STXBP6: variants seen among roughly 807,000 people sequenced by gnomAD.
STXBP6 encodes syntaxin binding protein 6, also known as syntaxin-binding protein 6.
Under a neutral mutation model 26.9 loss-of-function variants are expected in STXBP6, and 21 were observed. That is an observed-to-expected ratio of 0.78 (90% CI 0.55 to 1.12). STXBP6 has a LOEUF of 1.12. STXBP6 is among the 50% of genes most tolerant of loss of function. The probability of loss-of-function intolerance (pLI) is 0.00; values close to 1 mark genes in which losing one functional copy is unlikely to be tolerated. For synonymous variants in STXBP6, 97 were observed against 92.6 expected (o/e 1.05, Z -0.27); for missense variants, 232 against 257.9 (o/e 0.90, Z 0.69).
At chr14:24,845,262 T>G (rs1040990429) in intron 4 of STXBP6, among the ~76,000 whole-genome samples, 1 of 152,172 alleles carries the variant, frequency 6.6e-6, no homozygotes, top group African/African-American at 2.4e-5. Context: ...TCTGCCCACC[T>G]TGGCCTCCCA....
intron 2 of STXBP6, among the ~76,000 whole-genome samples, chr14:24,964,667 G>A (rs2140142211): frequency 6.6e-6 from 1 of 151,776 alleles, no homozygotes; most frequent in African/African-American, 2.4e-5. Flanking sequence ...GTGTGTGTGT[G>A]TGTGTGTGTG....
chr14:24,966,851 T>G (rs1461547901), intron 2 of STXBP6, among the ~76,000 whole-genome samples: 2 of 152,200 alleles, frequency 1.3e-5, no homozygotes, highest in African/African-American at 4.8e-5. Context: ...CTGTAATATG[T>G]GAATTTCTTA....
At chr14:24,903,874 G>A (rs966497710) in intron 2 of STXBP6, among the ~76,000 whole-genome samples, 6 of 152,150 alleles carry the variant, frequency 3.9e-5, no homozygotes, top group Non-Finnish European at 7.3e-5. Flanking sequence ...GGGATTAAGT[G>A]AGCGTTCTTG....
chr14:24,922,649 G>A (rs1162213122), intron 2 of STXBP6, among the ~76,000 whole-genome samples: 1 of 151,996 alleles, frequency 6.6e-6, no homozygotes, highest in Non-Finnish European at 1.5e-5. Context: ...CTTGACACCA[G>A]GTAAATGCAT....
intron 1 of STXBP6, among the ~76,000 whole-genome samples, chr14:25,031,717 ATTT>A (rs58317547): frequency 2.8e-5 from 4 of 141,048 alleles, no homozygotes; most frequent in African/African-American, 2.6e-5. Context: ...CTCCCAAGCA[ATTT>A]TTTTTTTTTT....
At chr14:24,818,632 G>A (rs1036006690) in intron 5 of STXBP6, among the ~76,000 whole-genome samples, 1 of 152,184 alleles carries the variant, frequency 6.6e-6, no homozygotes, top group Non-Finnish European at 1.5e-5. Flanking sequence ...GAAAGGGACA[G>A]GATGGAAAAG....
intron 1 of STXBP6, among the ~76,000 whole-genome samples, chr14:25,044,410 C>T (rs1047158335): frequency 2.6e-5 from 4 of 152,052 alleles, no homozygotes; most frequent in Admixed American, 2.6e-4. Context: ...CCTGGCCGTC[C>T]TGGTGGGTGT....
At chr14:24,820,788 G>T (rs577817131) in intron 4 of STXBP6, among the ~76,000 whole-genome samples, 14 of 152,132 alleles carry the variant, frequency 9.2e-5, no homozygotes, top group Non-Finnish European at 1.8e-4. Context: ...GAGGTTAAGA[G>T]GCTTGCACAA....
intron 1 of STXBP6, among the ~76,000 whole-genome samples, chr14:25,016,858 A>G (rs2140406930): frequency 6.6e-6 from 1 of 152,338 alleles, no homozygotes; most frequent in East Asian, 1.9e-4. Flanking sequence ...CTCTAATTAC[A>G]TGTGTATTTG....
intron 2 of STXBP6, among the ~76,000 whole-genome samples, chr14:24,967,334 G>C (rs1395852718): frequency 1.3e-5 from 2 of 152,170 alleles, no homozygotes; most frequent in African/African-American, 4.8e-5. Flanking sequence ...CTGACTGTAT[G>C]AGCACTGAAG....
intron 2 of STXBP6, among the ~76,000 whole-genome samples, chr14:24,858,207 C>T (rs1390005163): frequency 1.3e-5 from 2 of 152,090 alleles, no homozygotes; most frequent in Non-Finnish European, 2.9e-5. Flanking sequence ...GGATGAAGTA[C>T]AGAAAGCACC....
At chr14:24,887,634 CA>C (rs1758309494) in intron 2 of STXBP6, among the ~76,000 whole-genome samples, 1 of 152,136 alleles carries the variant, frequency 6.6e-6, no homozygotes, top group African/African-American at 2.4e-5. Context: ...TGAACTCAGG[CA>C]AATCATTTCT....
intron 2 of STXBP6, among the ~76,000 whole-genome samples, chr14:24,964,590 T>C (rs1200470863): frequency 6.6e-6 from 1 of 151,820 alleles, no homozygotes; most frequent in Non-Finnish European, 1.5e-5. Flanking sequence ...TTATTGCCAT[T>C]TTATAGATGA....
chr14:24,965,408 T>C (rs2073703252), intron 2 of STXBP6, among the ~76,000 whole-genome samples: 1 of 149,334 alleles, frequency 6.7e-6, no homozygotes, highest in Non-Finnish European at 1.5e-5. Flanking sequence ...ATTATTTTTA[T>C]TTCAATGGGT....
At chr14:24,905,666 A>G (rs1489716844) in intron 2 of STXBP6, among the ~76,000 whole-genome samples, 1 of 152,158 alleles carries the variant, frequency 6.6e-6, no homozygotes, top group Non-Finnish European at 1.5e-5. Context: ...ATATTGTACA[A>G]TCCTCTCTAA....
At chr14:25,041,121 G>GACCAGCCTGGCCA (rs1391075767) in intron 1 of STXBP6, among the ~76,000 whole-genome samples, 7 of 152,238 alleles carry the variant, frequency 4.6e-5, no homozygotes, top group Admixed American at 1.3e-4. Flanking sequence ...AGGAGTTCGA[G>GACCAGCCTGGCCA]ACCAGCCTGG....
At chr14:24,971,225 T>C (rs959763582) in intron 2 of STXBP6, among the ~76,000 whole-genome samples, 8 of 152,176 alleles carry the variant, frequency 5.3e-5, no homozygotes, top group Non-Finnish European at 7.4e-5. Flanking sequence ...GTACTAGATA[T>C]TGGGAAAAAA....
At chr14:24,880,746 A>C (rs1459526541) in intron 2 of STXBP6, among the ~76,000 whole-genome samples, 1 of 152,176 alleles carries the variant, frequency 6.6e-6, no homozygotes, top group African/African-American at 2.4e-5. Context: ...CAATGATGAG[A>C]ACATGTCATG....
At chr14:24,907,740 G>T (rs1381218211) in intron 2 of STXBP6, among the ~76,000 whole-genome samples, 3 of 151,952 alleles carry the variant, frequency 2.0e-5, no homozygotes, top group Non-Finnish European at 4.4e-5. Flanking sequence ...ATAACATTCT[G>T]TCCATGAAAG....
Sources: allele counts gnomAD v4.1 joint callset (sites outside exome capture counted in the v4.1 genomes callset), GRCh38; gene constraint gnomAD v4.1.1; transcripts MANE v1.5; gene names NCBI Gene and HGNC (gene_info 2026-07-23, HGNC 2026-07-21).